Variants in GRK5 observed in about 807,000 individuals in gnomAD.
GRK5 encodes g protein-coupled receptor kinase GRK5.
GRK5 carries 40 observed loss-of-function variants against 78.4 expected under a neutral mutation model. The observed-to-expected ratio is 0.51, with a 90% CI of 0.40 to 0.66. The LOEUF (loss-of-function observed/expected upper bound fraction) is 0.66. GRK5 is among the 30% of genes least tolerant of loss of function. The pLI is 0.00. For synonymous variants in GRK5, 289 were observed against 296.8 expected, an observed-to-expected ratio of 0.97 and a Z score of 0.27; for missense variants, 598 against 759.9, an observed-to-expected ratio of 0.79 and a Z score of 2.50.
chr10:119,291,920 C>CGTCCTCCTTTTCCTCCTCTTT (rs1564879413), intron 1 of GRK5, among the ~76,000 whole-genome samples: 1 of 28,976 alleles, frequency 3.5e-5, no homozygotes, highest in African/African-American at 1.0e-4. Flanking sequence ...TCCTCTTCTT[C>CGTCCTCCTTTTCCTCCTCTTT]TTCCTCCTTC....
intron 1 of GRK5, among the ~76,000 whole-genome samples, chr10:119,304,790 C>T (rs1040792258): frequency 6.6e-6 from 1 of 152,192 alleles, no homozygotes; most frequent in African/African-American, 2.4e-5. Flanking sequence ...CCATGCAGTC[C>T]CCACCCAGAG....
chr10:119,400,284 C>G (rs1269098443), intron 4 of GRK5, among the ~76,000 whole-genome samples: 1 of 152,178 alleles, frequency 6.6e-6, no homozygotes, highest in Non-Finnish European at 1.5e-5. Flanking sequence ...CTAGAGGACG[C>G]TTCCAGGAGG....
intron 1 of GRK5, among the ~76,000 whole-genome samples, chr10:119,291,618 T>TTCCTCC (rs1564879214): frequency 1.1e-5 from 1 of 87,832 alleles, no homozygotes; most frequent in Non-Finnish European, 2.4e-5. Flanking sequence ...CCTCCTCTTC[T>TTCCTCC]TCCTCCTCTT....
At chr10:119,212,643 C>A (rs1335046429) in intron 1 of GRK5, among the ~76,000 whole-genome samples, 1 of 152,048 alleles carries the variant, frequency 6.6e-6, no homozygotes, top group African/African-American at 2.4e-5. Context: ...GTTTGGAGTG[C>A]AAGATAAAGC....
chr10:119,332,099 T>C (rs1298691598), intron 2 of GRK5, among the ~76,000 whole-genome samples: 1 of 151,700 alleles, frequency 6.6e-6, no homozygotes, highest in Non-Finnish European at 1.5e-5. Flanking sequence ...ATAGCTATTG[T>C]AATTTTGATT....
chr10:119,390,803 G>A (rs567622103), intron 3 of GRK5, among the ~76,000 whole-genome samples: 29 of 152,064 alleles, frequency 1.9e-4, no homozygotes, highest in African/African-American at 6.8e-4. Flanking sequence ...CCCACCACCG[G>A]GTCCTTCCCA....
intron 1 of GRK5, among the ~76,000 whole-genome samples, chr10:119,228,842 A>G (rs1457659502): frequency 6.6e-6 from 1 of 152,174 alleles, no homozygotes; most frequent in Non-Finnish European, 1.5e-5. Flanking sequence ...AAATCCTTAA[A>G]GAAAAGTAAA....
At chr10:119,427,697 A>G (rs1248756691) in intron 6 of GRK5, among the ~76,000 whole-genome samples, 3 of 132,124 alleles carry the variant, frequency 2.3e-5, no homozygotes, top group African/African-American at 1.1e-4. Context: ...AGTGCCATCA[A>G]CAGCATCACC....
At chr10:119,221,097 A>C (rs1026218837) in intron 1 of GRK5, among the ~76,000 whole-genome samples, 1 of 149,640 alleles carries the variant, frequency 6.7e-6, no homozygotes. Flanking sequence ...CGGAGGTTGC[A>C]GTGAGCCGAG....
chr10:119,280,781 CTTT>C (rs56082726), intron 1 of GRK5, among the ~76,000 whole-genome samples: 14 of 91,546 alleles, frequency 1.5e-4, no homozygotes, highest in Admixed American at 2.1e-4. Context: ...CCCTCCTTTT[CTTT>C]TTTTTTTTTT....
At chr10:119,347,461 G>C (rs1447449663) in intron 2 of GRK5, among the ~76,000 whole-genome samples, 1 of 152,184 alleles carries the variant, frequency 6.6e-6, no homozygotes, top group Non-Finnish European at 1.5e-5. Context: ...GTATGTGCGT[G>C]TTTGTGTGTG....
intron 2 of GRK5, chr10:119,333,668 G>T (rs537054435): frequency 6.6e-6 from 3 of 453,878 alleles, no homozygotes. Context: ...TCAAAGGGGT[G>T]GACGTTTCTG....
intron 3 of GRK5, among the ~76,000 whole-genome samples, chr10:119,387,072 T>A (rs1208095268): frequency 6.6e-6 from 1 of 152,102 alleles, no homozygotes; most frequent in Non-Finnish European, 1.5e-5. Context: ...TGGTGCGATC[T>A]CAGCTCACTA....
intron 1 of GRK5, among the ~76,000 whole-genome samples, chr10:119,211,992 T>TAG (rs1848495195): frequency 6.6e-6 from 1 of 152,232 alleles, no homozygotes; most frequent in South Asian, 2.1e-4. Context: ...CTTATGGCTA[T>TAG]GTGAAGGCAT....
intron 1 of GRK5, among the ~76,000 whole-genome samples, chr10:119,291,266 G>T (rs1214442455): frequency 6.6e-6 from 1 of 152,102 alleles, no homozygotes; most frequent in African/African-American, 2.4e-5. Context: ...TGGATTTGCG[G>T]TATCACCAAT....
intron 2 of GRK5, among the ~76,000 whole-genome samples, chr10:119,373,819 A>G (rs1851583704): frequency 6.6e-6 from 1 of 152,252 alleles, no homozygotes; most frequent in Admixed American, 6.5e-5. Flanking sequence ...CCTTCAATTC[A>G]TATAAAAAAT....
chr10:119,363,748 C>G (rs1851401010), intron 2 of GRK5, among the ~76,000 whole-genome samples: 1 of 152,196 alleles, frequency 6.6e-6, no homozygotes, highest in Non-Finnish European at 1.5e-5. Flanking sequence ...GGGTGTTACT[C>G]AGAACTAACT....
intron 10 of GRK5, among the ~76,000 whole-genome samples, chr10:119,441,726 T>C (rs1337825661): frequency 6.6e-6 from 1 of 152,202 alleles, no homozygotes; most frequent in East Asian, 1.9e-4. Flanking sequence ...ATTCAGCCTT[T>C]GACTAGGCAG....
chr10:119,444,662 C>T, intron 12 of GRK5, among the ~76,000 whole-genome samples: 1 of 152,166 alleles, frequency 6.6e-6, no homozygotes, highest in East Asian at 1.9e-4. Flanking sequence ...GAGCACCCAG[C>T]TCCACAATTG....
Sources: allele counts gnomAD v4.1 joint callset (sites outside exome capture counted in the v4.1 genomes callset), GRCh38; gene constraint gnomAD v4.1.1; transcripts MANE v1.5; gene names NCBI Gene and HGNC (gene_info 2026-07-23, HGNC 2026-07-21).